LAMA5: variants seen among roughly 807,000 people sequenced by gnomAD.
LAMA5 encodes the protein laminin subunit alpha-5.
In LAMA5, 260 loss-of-function variants were observed where a neutral mutation model predicts 433.4. The observed-to-expected ratio is 0.60, with a 90% CI of 0.54 to 0.66. The LOEUF (loss-of-function observed/expected upper bound fraction) is 0.66. LAMA5 is among the 30% of genes least tolerant of loss of function. LAMA5 has a pLI of 0.00. For missense variants in LAMA5, 5,378 were observed against 5,258.5 expected (o/e 1.02, Z -0.70); for synonymous variants, 2,620 against 2,226.6 (o/e 1.18, Z -4.97).
intron 2 of LAMA5, among the ~76,000 whole-genome samples, chr20:62,354,320 C>A (rs2146323295): frequency 7.0e-6 from 1 of 141,848 alleles, no homozygotes; most frequent in African/African-American, 2.5e-5. Context: ...CTCTGATCAG[C>A]CTGGGCTTCC....
In LAMA5 at chr20:62,322,315, G is replaced by A. The variant is rs372466741; in HGVS notation, c.6300C>T (p.Arg2100=). ...GCCCCCAGTAGCCAGGGGCACACTC[G>A]CGGCACTGGGGTCCCATGGTCCCTG... is the stretch of plus-strand genomic sequence containing the variant. ...CRPGTMGPQC[R]ECAPGYWGLP... Residue 2100 remains arginine (R), a synonymous_variant, in exon 47 of 80, where the codon CGC becomes CGT. Coordinates refer to ENST00000252999, the MANE Select transcript of LAMA5 (RefSeq NM_005560.6). The A allele has an allele frequency of 1.6e-4, 255 of 1,600,322 alleles. 1 individual carries two copies. Among genetic ancestry groups the A allele is most frequent in the Non-Finnish European group, 1.8e-4 (207 of 1,175,538 alleles).
intron 26 of LAMA5, 67 bp from the exon 27 acceptor site, chr20:62,332,784 C>T: frequency 8.4e-6 from 13 of 1,556,318 alleles, no homozygotes; most frequent in African/African-American, 1.4e-5. Flanking sequence ...TCCCCTCCCA[C>T]TCCAGCGCCT....
At position 62,325,352 on chromosome 20, in the gene LAMA5, G is replaced by A. The variant is rs1298691921; in HGVS notation, c.5493C>T (p.Cys1831=). The change falls in exon 41 of 80, where the codon TGC becomes TGT. Residue 1831 remains cysteine (C), a synonymous_variant. Coordinates refer to ENST00000252999, the MANE Select transcript of LAMA5 (RefSeq NM_005560.6). ...QGALASNVEL[C]LCPASYRGDS... is the part of the protein sequence containing the mutation. ...CCCCCCGGTAGCTGGCGGGGCACAG[G>A]CACAGCTCCACATTGCTGGCCAGGG... 1 of 1,602,862 alleles carries A rather than the reference G, an allele frequency of 6.2e-7. No individual in the cohort carries two copies. Among genetic ancestry groups the A allele is most frequent in the South Asian group, 1.1e-5 (1 of 90,422 alleles).
Position 62,333,696 on chromosome 20 carries a change from CTG to C in LAMA5, c.2887_2888del (p.Gln963GlufsTer52), listed in dbSNP as rs1568943386. ...TGGGTGGGAAGGCCACGGGCTGACTCTGTGCTGTGCCTGGGCGGGGGCAGGGG... is the reference window on the plus strand; with the variant it reads ...TGGGTGGGAAGGCCACGGGCTGACTCTGCTGTGCCTGGGCGGGGGCAGGGG... The part of the protein sequence containing the change: ...RSATCANCTA[Q>X]SQPVAFPPST... On this transcript the variant is annotated frameshift_variant, in exon 24 of 80. Transcript: ENST00000252999. LOFTEE classifies it high-confidence loss of function. The C allele has an allele frequency of 1.9e-6, 3 of 1,591,128 alleles. No individual in the cohort carries two copies. Among genetic ancestry groups the C allele is most frequent in the African/African-American group, 1.3e-5 (1 of 74,774 alleles).
intron 3 of LAMA5, 101 bp downstream of exon 3, chr20:62,353,033 C>A: frequency 2.5e-6 from 2 of 807,030 alleles, no homozygotes; most frequent in Non-Finnish European, 3.9e-6. Flanking sequence ...GGTGTGAGGG[C>A]AGGGCTGGGT....
At chr20:62,325,240 G>T in intron 41 of LAMA5, 76 bp downstream of exon 41, 1 of 966,690 alleles carries the variant, frequency 1.0e-6, no homozygotes, top group Non-Finnish European at 1.5e-6. Context: ...GCAAGGAAGG[G>T]AACACAGGGA....
chr20:62,327,991 C>T lies in LAMA5; in HGVS notation c.4672G>A (p.Gly1558Arg). 6.2e-7 allele frequency: 1 copy of T among 1,612,030 alleles called. No homozygotes were observed. The highest frequency in any genetic ancestry group is 8.5e-7 in the Non-Finnish European group (1 of 1,179,848). Residue 1558 changes from glycine (G) to arginine (R), a missense_variant, in exon 36 of 80, where the codon GGG becomes AGG. Coordinates refer to ENST00000252999, the MANE Select transcript of LAMA5 (RefSeq NM_005560.6). ...GGAGAGCAGGTATCACAGCGGCGCCCAGTCACGTTGGGTCTGCACCTGTGG... is the reference window on the plus strand; with the variant it reads ...GGAGAGCAGGTATCACAGCGGCGCCTAGTCACGTTGGGTCTGCACCTGTGG... ...GQCKCRPNVT[G>R]RRCDTCSPGF...
intron 45 of LAMA5, among the ~76,000 whole-genome samples, chr20:62,323,097 G>A (rs1328469911): frequency 5.1e-5 from 7 of 136,436 alleles, no homozygotes; most frequent in Admixed American, 2.9e-4. Flanking sequence ...GCTGGTCATG[G>A]GTTGGGGGGA....
At chr20:62,311,825 T>G in intron 70 of LAMA5, 41 bp from the exon 71 acceptor site, 8 of 308,200 alleles carry the variant, frequency 2.6e-5, no homozygotes, top group Non-Finnish European at 4.2e-5. Flanking sequence ...TTCCCCACCC[T>G]GCCCACCCCC....
rs1979106529 is a variant in LAMA5, at chr20:62,325,391, T to G, written c.5454A>C (p.Pro1818=). Reference sequence around the variant, plus strand: ...TGCTGGCCAGGGCCCCCTGGCCTGCTGGGCTGGCCACCTCCAGTGCCACCC... The same window carrying G: ...TGCTGGCCAGGGCCCCCTGGCCTGCGGGGCTGGCCACCTCCAGTGCCACCC... ...LRRVALEVAS[P]AGQGALASNV... is the part of the protein sequence containing the mutation. Residue 1818 remains proline (P), a synonymous_variant, in exon 41 of 80, where the codon CCA becomes CCC. Transcript: ENST00000252999. The G allele has an allele frequency of 2.5e-6, 4 of 1,611,608 alleles. No individual in the cohort carries two copies. The highest frequency in any genetic ancestry group is 1.7e-6 in the Non-Finnish European group (2 of 1,179,232).
chr20:62,333,653 T>A lies in LAMA5; in HGVS notation c.2932A>T (p.Ile978Phe), dbSNP rs1252657461. ...CCGAAGCCCCTCTGGGGCACGGTGA[T>A]GAAGGCAGGCTCCGTGCTGGGTGGG... ...AFPPSTEPAFITVPQRGFGEP... is the reference protein window; with the variant it reads ...AFPPSTEPAFFTVPQRGFGEP... Residue 978 changes from isoleucine to phenylalanine, a missense_variant, in exon 24 of 80, where the codon ATC (isoleucine) becomes TTC (phenylalanine). Transcript: ENST00000252999. 1 of 1,593,674 alleles carries A rather than the reference T, an allele frequency of 6.3e-7. No individual in the cohort carries two copies. The highest frequency in any genetic ancestry group is 1.1e-5 in the South Asian group (1 of 87,452).
intron 18 of LAMA5, among the ~76,000 whole-genome samples, chr20:62,335,670 C>G (rs1486592263): frequency 8.9e-6 from 1 of 111,832 alleles, no homozygotes; most frequent in Non-Finnish European, 1.8e-5. Context: ...ACGGGTGCAG[C>G]CCCTCCGAGG....
At chr20:62,313,504 T>C in intron 63 of LAMA5, 44 bp from the exon 64 acceptor site, 1 of 1,564,376 alleles carries the variant, frequency 6.4e-7, no homozygotes, top group South Asian at 1.2e-5. Context: ...CTGAGGCGCC[T>C]CCCCTCCAGG....
intron 66 of LAMA5, 46 bp downstream of exon 66, chr20:62,312,842 G>C: frequency 6.2e-7 from 1 of 1,601,874 alleles, no homozygotes; most frequent in Non-Finnish European, 8.5e-7. Flanking sequence ...CGCCCCCATC[G>C]TTCCATCTCC....
chr20:62,349,051 C>T (rs2427292), intron 6 of LAMA5, among the ~76,000 whole-genome samples: 32,442 of 151,684 alleles, frequency 0.21, 3,564 homozygotes, highest in Non-Finnish European at 0.23. Context: ...AGGTGGATCA[C>T]GAGGTCAGGA....
At chr20:62,328,617 C>T (rs1484290046) in intron 34 of LAMA5, among the ~76,000 whole-genome samples, 172 bp from the exon 35 acceptor site, 1 of 145,604 alleles carries the variant, frequency 6.9e-6, no homozygotes, top group African/African-American at 2.6e-5. Flanking sequence ...GAGGCAGCTG[C>T]TCAGAATCAA....
chr20:62,363,820 G>A lies in LAMA5; in HGVS notation c.298-1268C>T, dbSNP rs188714854. Among the ~76,000 whole-genome samples, 89 of 151,818 alleles carry A rather than the reference G, an allele frequency of 5.9e-4. No homozygotes were observed. The South Asian group carries it at 0.015, about 26-fold the overall frequency. On this transcript the variant is annotated intron_variant, in intron 1 of 79. Coordinates refer to ENST00000252999, the MANE Select transcript of LAMA5 (RefSeq NM_005560.6). ...CACCTACAGAGGGCCCAACCCCCTC[G>A]CCCAGAGTGTGCCCTCTGCCTCCAC...
At chr20:62,321,436 A>G (rs61711438) in intron 48 of LAMA5, among the ~76,000 whole-genome samples, 9 of 1,070 alleles carry the variant, frequency 8.4e-3, no homozygotes, top group Middle Eastern at 0.5. Context: ...GTGGAGGGGT[A>G]GGGCCAGCAG....
At chr20:62,348,950 A>G (rs1983773392) in intron 6 of LAMA5, among the ~76,000 whole-genome samples, 2 of 152,182 alleles carry the variant, frequency 1.3e-5, no homozygotes, top group South Asian at 2.1e-4. Flanking sequence ...AGTCAGAAAG[A>G]ATGGCCAAGG....
Sources: allele counts gnomAD v4.1 joint callset (sites outside exome capture counted in the v4.1 genomes callset), GRCh38; gene constraint gnomAD v4.1.1; transcripts MANE v1.5; gene names NCBI Gene and HGNC (gene_info 2026-07-23, HGNC 2026-07-21).